The following NELL2 variants were observed in gnomAD, a reference collection of about 807,000 sequenced individuals.
The protein encoded by NELL2 is protein kinase C-binding protein NELL2.
Under a neutral mutation model 109.6 loss-of-function variants are expected in NELL2, and 41 were observed. The observed-to-expected ratio is 0.37, with a 90% CI of 0.29 to 0.49. NELL2 has a LOEUF of 0.49. Among genes scored for constraint, NELL2 ranks in the 20% least tolerant of loss-of-function variants. The probability of loss-of-function intolerance (pLI) is 0.98; values close to 1 mark genes in which losing one functional copy is unlikely to be tolerated. For missense variants in NELL2, 900 were observed against 1,008.3 expected (o/e 0.89, Z 1.45); for synonymous variants, 355 against 344.7 (o/e 1.03, Z -0.33).
intron 13 of NELL2, among the ~76,000 whole-genome samples, chr12:44,613,843 C>T (rs933764495): frequency 1.3e-5 from 2 of 152,010 alleles, no homozygotes; most frequent in Non-Finnish European, 2.9e-5. Context: ...GGTCAAATGT[C>T]AATTTCTCAT....
chr12:44,694,632 C>A (rs1185343811), intron 12 of NELL2, among the ~76,000 whole-genome samples: 1 of 150,574 alleles, frequency 6.6e-6, no homozygotes, highest in African/African-American at 2.4e-5. Flanking sequence ...AGAAATTCTA[C>A]CATAATATAT....
At chr12:44,580,555 A>T (rs1303646514) in intron 15 of NELL2, among the ~76,000 whole-genome samples, 1 of 150,532 alleles carries the variant, frequency 6.6e-6, no homozygotes, top group Non-Finnish European at 1.5e-5. Flanking sequence ...CATCTCTAAT[A>T]AAAATACAAA....
In NELL2 at chr12:44,513,877, C is replaced by T. The variant is rs139472759; in HGVS notation, c.2401-4893G>A. ...AATATGTGAAAAAACGATGGCTCAA[C>T]TTTTCTCAAGTTTGGTGAAATGACA... On this transcript the variant is annotated intron_variant, in intron 19 of 19. Coordinates refer to ENST00000429094, the MANE Select transcript of NELL2 (RefSeq NM_001145108.2). 2.5e-3 allele frequency among the ~76,000 whole-genome samples: 378 copies of T among 150,908 alleles called. 1 individual carries two copies. The highest frequency in any genetic ancestry group is 8.6e-3 in the African/African-American group (354 of 41,158).
intron 3 of NELL2, among the ~76,000 whole-genome samples, chr12:44,794,311 G>C (rs1388429277): frequency 1.3e-5 from 2 of 152,184 alleles, no homozygotes; most frequent in African/African-American, 2.4e-5. Flanking sequence ...CTCAGGAAAA[G>C]TAGTAGATGT....
intron 12 of NELL2, among the ~76,000 whole-genome samples, chr12:44,670,247 T>C (rs1474439542): frequency 4.6e-5 from 7 of 152,132 alleles, no homozygotes; most frequent in African/African-American, 1.7e-4. Context: ...TTTAAGGTAA[T>C]CCTATATCTG....
At chr12:44,897,620 CTG>C (rs1458936582) in intron 1 of NELL2, among the ~76,000 whole-genome samples, 1 of 152,214 alleles carries the variant, frequency 6.6e-6, no homozygotes, top group Non-Finnish European at 1.5e-5. Context: ...GTCTTCAAAA[CTG>C]GCAGACCAGG....
At chr12:44,796,605 A>G (rs1942629404) in intron 3 of NELL2, among the ~76,000 whole-genome samples, 1 of 152,158 alleles carries the variant, frequency 6.6e-6, no homozygotes, top group Non-Finnish European at 1.5e-5. Flanking sequence ...AGTAATAAAC[A>G]CATTATTAAG....
intron 9 of NELL2, among the ~76,000 whole-genome samples, chr12:44,735,224 G>C (rs1439497266): frequency 1.3e-5 from 2 of 152,070 alleles, no homozygotes; most frequent in African/African-American, 4.8e-5. Context: ...CATTTTTGTA[G>C]TCTGTTTCTG....
chr12:44,509,395 T>C (rs1280449118), intron 19 of NELL2, among the ~76,000 whole-genome samples: 7 of 152,148 alleles, frequency 4.6e-5, no homozygotes, highest in Admixed American at 3.9e-4. Flanking sequence ...TGAAAAGTGC[T>C]AGAAAGGTGC....
At chr12:44,887,461 G>A (rs1023932734) in intron 1 of NELL2, among the ~76,000 whole-genome samples, 11 of 151,716 alleles carry the variant, frequency 7.3e-5, no homozygotes, top group Admixed American at 2.6e-4. Flanking sequence ...TATAAAAGCC[G>A]TTTTAACTGG....
chr12:44,683,094 T>C (rs548034598), intron 12 of NELL2, among the ~76,000 whole-genome samples: 10 of 152,300 alleles, frequency 6.6e-5, no homozygotes, highest in Non-Finnish European at 1.2e-4. Context: ...TTTTATTTCA[T>C]TGAGTAGTGG....
chr12:44,663,029 GATAA>G (rs1160294790), intron 13 of NELL2, among the ~76,000 whole-genome samples: 4 of 152,190 alleles, frequency 2.6e-5, no homozygotes, highest in African/African-American at 9.6e-5. Context: ...TATTTTATAA[GATAA>G]ATAAAGTCCT....
chr12:44,820,563 C>G (rs567510698), intron 2 of NELL2, among the ~76,000 whole-genome samples: 89 of 149,676 alleles, frequency 5.9e-4, no homozygotes, highest in African/African-American at 2.1e-3. Flanking sequence ...GAGCCGAGAT[C>G]GCGCCACTGC....
chr12:44,739,646 G>T (rs112997081), intron 9 of NELL2, among the ~76,000 whole-genome samples: 8,143 of 152,222 alleles, frequency 0.053, 687 homozygotes, highest in African/African-American at 0.18. Context: ...ATCTCAGCAA[G>T]TTGGGAGGCC....
chr12:44,631,107 T>C (rs929484558), intron 13 of NELL2, among the ~76,000 whole-genome samples: 27 of 152,036 alleles, frequency 1.8e-4, no homozygotes, highest in Admixed American at 1.6e-3. Context: ...CTGGCTTCTT[T>C]TGATTGCTCT....
chr12:44,573,141 G>A (rs191830745), intron 15 of NELL2, among the ~76,000 whole-genome samples: 17 of 152,272 alleles, frequency 1.1e-4, no homozygotes, highest in Non-Finnish European at 5.9e-5. Context: ...ATTACAAGAC[G>A]GTCCATCAGC....
At chr12:44,665,288 A>G in intron 13 of NELL2, 196 bp downstream of exon 13, 1 of 389,712 alleles carries the variant, frequency 2.6e-6, no homozygotes, top group Non-Finnish European at 4.5e-6. Context: ...ATTGGAGTAT[A>G]TATTTATCCA....
At chr12:44,558,752 TG>T (rs1188474988) in intron 15 of NELL2, among the ~76,000 whole-genome samples, 2 of 152,252 alleles carry the variant, frequency 1.3e-5, no homozygotes, top group East Asian at 3.9e-4. Flanking sequence ...AGCGGTTGTT[TG>T]GGCAGACACT....
rs923686613 is a variant in NELL2 at position 44,542,514 on chromosome 12, C to T, written c.1664-9793G>A. ...CTTAAAAAACCATGTCCAGTTGGAA[C>T]CTCAGAATATGACCTTATTTAGAGA... On this transcript the variant is annotated intron_variant, in intron 15 of 19. Coordinates refer to ENST00000429094, the MANE Select transcript of NELL2 (RefSeq NM_001145108.2). Among the ~76,000 whole-genome samples the T allele has an allele frequency of 2.0e-5, 3 of 152,086 alleles. No individual in the cohort carries two copies. In the East Asian group the frequency reaches 5.8e-4, roughly 29 times the overall value.
Sources: allele counts gnomAD v4.1 joint callset (sites outside exome capture counted in the v4.1 genomes callset), GRCh38; gene constraint gnomAD v4.1.1; transcripts MANE v1.5; gene names NCBI Gene and HGNC (gene_info 2026-07-23, HGNC 2026-07-21).